The following NALCN variants were observed in gnomAD, a reference collection of about 807,000 sequenced individuals.
NALCN encodes sodium leak channel, non-selective, also known as sodium leak channel NALCN.
A neutral mutation model predicts 225.3 loss-of-function variants in NALCN; 111 were observed. That is an observed-to-expected ratio of 0.49 (90% CI 0.42 to 0.58). The LOEUF is 0.58. Among genes scored for constraint, NALCN ranks in the 20% least tolerant of loss-of-function variants. NALCN has a pLI of 0.00. For missense variants in NALCN, 1,378 were observed against 2,202.4 expected, an observed-to-expected ratio of 0.63 and a Z score of 7.49; for synonymous variants, 764 against 769.0, an observed-to-expected ratio of 0.99 and a Z score of 0.11.
intron 10 of NALCN, among the ~76,000 whole-genome samples, chr13:101,283,185 T>C (rs2043224089): frequency 6.6e-6 from 1 of 152,120 alleles, no homozygotes; most frequent in African/African-American, 2.4e-5. Flanking sequence ...TATGGAAAGT[T>C]AGGGGTGCTG....
chr13:101,219,034 C>A (rs998668776), intron 13 of NALCN, among the ~76,000 whole-genome samples: 3 of 152,042 alleles, frequency 2.0e-5, no homozygotes, highest in Non-Finnish European at 4.4e-5. Flanking sequence ...CTGATTACTT[C>A]ATTTTAACTT....
chr13:101,320,969 G>A (rs948734289), intron 7 of NALCN, among the ~76,000 whole-genome samples: 5 of 152,100 alleles, frequency 3.3e-5, no homozygotes, highest in South Asian at 2.1e-4. Context: ...GAGCAACACC[G>A]TTAATTTCTT....
chr13:101,060,892 TGGGACATCACTGG>T (rs1409598469), intron 41 of NALCN, among the ~76,000 whole-genome samples: 1 of 152,224 alleles, frequency 6.6e-6, no homozygotes, highest in Non-Finnish European at 1.5e-5. Context: ...CCAGCAGTGA[TGGGACATCACTGG>T]GCAGCTGGCC....
intron 7 of NALCN, among the ~76,000 whole-genome samples, chr13:101,339,278 C>A (rs567475109): frequency 6.6e-6 from 1 of 152,172 alleles, no homozygotes; most frequent in Admixed American, 6.5e-5. Context: ...ACTGCAATCA[C>A]GGAATCTCAA....
At chr13:101,105,127 G>GA (rs982029459) in intron 22 of NALCN, among the ~76,000 whole-genome samples, 177 bp from the exon 23 acceptor site, 23 of 152,246 alleles carry the variant, frequency 1.5e-4, no homozygotes, top group Middle Eastern at 3.4e-3. Context: ...ATTGATGAAA[G>GA]AAAAAATCCA....
At chr13:101,220,910 C>G (rs760806524) in intron 13 of NALCN, among the ~76,000 whole-genome samples, 5 of 151,740 alleles carry the variant, frequency 3.3e-5, no homozygotes, top group Non-Finnish European at 4.4e-5. Flanking sequence ...TTATTTAATA[C>G]ACAAAATGCA....
At chr13:101,344,110 G>A (rs553331574) in intron 7 of NALCN, among the ~76,000 whole-genome samples, 2 of 152,180 alleles carry the variant, frequency 1.3e-5, no homozygotes, top group African/African-American at 2.4e-5. Flanking sequence ...TATACATCTC[G>A]CCTCCCATAC....
chr13:101,379,800 C>T (rs2046798588), intron 3 of NALCN, among the ~76,000 whole-genome samples: 1 of 152,016 alleles, frequency 6.6e-6, no homozygotes, highest in Non-Finnish European at 1.5e-5. Flanking sequence ...CACCATGGCA[C>T]GTGTATACCT....
chr13:101,188,706 T>TG (rs2039555864), intron 14 of NALCN, among the ~76,000 whole-genome samples: 1 of 150,986 alleles, frequency 6.6e-6, no homozygotes, highest in Non-Finnish European at 1.5e-5. Flanking sequence ...TTTTTTGAGA[T>TG]GGAGTTTCAC....
chr13:101,340,293 C>G (rs1002093972), intron 7 of NALCN, among the ~76,000 whole-genome samples: 42 of 150,830 alleles, frequency 2.8e-4, no homozygotes, highest in African/African-American at 1.0e-3. Flanking sequence ...CAAAAAACAC[C>G]GTGCCCCTGC....
intron 13 of NALCN, among the ~76,000 whole-genome samples, chr13:101,223,565 T>C (rs2041028069): frequency 6.6e-6 from 1 of 152,018 alleles, no homozygotes; most frequent in Middle Eastern, 3.2e-3. Flanking sequence ...TCAAACACTT[T>C]CACAAGCCCT....
intron 11 of NALCN, among the ~76,000 whole-genome samples, chr13:101,240,165 T>C (rs919338047): frequency 6.6e-6 from 1 of 152,110 alleles, no homozygotes; most frequent in Non-Finnish European, 1.5e-5. Flanking sequence ...TGTTCACATA[T>C]GTCTACAACT....
chr13:101,259,777 T>C lies in NALCN; in HGVS notation c.1135-1203A>G, dbSNP rs9585655. ...ACACACACACATAAATATATATATA[T>C]ACACATATATATTTATGGAGTACAC... On this transcript the variant is annotated intron_variant, in intron 10 of 43. Transcript: ENST00000251127. 3.6e-3 allele frequency among the ~76,000 whole-genome samples: 62 copies of C among 17,018 alleles called. 2 individuals are homozygous for C. The highest frequency in any genetic ancestry group is 4.6e-3 in the Admixed American group (3 of 656). The allele number at this position is 17,018 out of a possible 152,430, so 11.2% of individuals were successfully genotyped here.
chr13:101,384,522 A>G (rs2046934689), intron 3 of NALCN, among the ~76,000 whole-genome samples: 1 of 152,166 alleles, frequency 6.6e-6, no homozygotes, highest in African/African-American at 2.4e-5. Context: ...GTTTCATGAG[A>G]ACAGGATTTA....
intron 20 of NALCN, among the ~76,000 whole-genome samples, chr13:101,110,007 T>C (rs1265200238): frequency 6.6e-6 from 1 of 152,210 alleles, no homozygotes; most frequent in African/African-American, 2.4e-5. Flanking sequence ...TCTCCTATTC[T>C]AAAATTTAAG....
chr13:101,290,775 G>A lies in NALCN; in HGVS notation c.1047+1215C>T, dbSNP rs561856577. On this transcript the variant is annotated intron_variant, in intron 9 of 43. Coordinates refer to ENST00000251127, the MANE Select transcript of NALCN (RefSeq NM_052867.4). ...TTCAAAAGTAAAATTTGTACACCTC[G>A]GCTCCTTGATAGATACCTTTGTCTT... 3.9e-5 allele frequency among the ~76,000 whole-genome samples: 6 copies of A among 152,170 alleles called. No individual in the cohort carries two copies. In the East Asian group the frequency reaches 9.6e-4, roughly 24 times the overall value.
chr13:101,399,007 G>T lies in NALCN; in HGVS notation c.108+12C>A. The T allele has an allele frequency of 4.0e-6, 6 of 1,503,124 alleles. 1 individual carries two copies. In the South Asian group the frequency reaches 6.8e-5, roughly 17 times the overall value. The allele number at this position is 1,503,124 out of a possible 1,614,324, so 93.1% of individuals were successfully genotyped here. A position where few individuals can be genotyped will look rare whatever the true frequency, so the allele number is the denominator to read the frequency against. ...CCACATATGCTTCTCCATACTCAAA[G>T]AAGAAACTTACTGGTTTGTTAATCC... On this transcript the variant is annotated intron_variant, in intron 2 of 43. Coordinates refer to ENST00000251127, the MANE Select transcript of NALCN (RefSeq NM_052867.4).
intron 6 of NALCN, among the ~76,000 whole-genome samples, chr13:101,362,229 A>G (rs9557628): frequency 0.11 from 16,101 of 152,122 alleles, 1,292 homozygotes; most frequent in East Asian, 0.35. Flanking sequence ...TGTAGAAATT[A>G]TACTACATAT....
At chr13:101,167,900 G>A (rs9582454) in intron 15 of NALCN, among the ~76,000 whole-genome samples, 36,549 of 150,822 alleles carry the variant, frequency 0.24, 5,189 homozygotes, top group Non-Finnish European at 0.32. Context: ...ATCTTTATTT[G>A]TGGCTTAAGT....
Sources: allele counts gnomAD v4.1 joint callset (sites outside exome capture counted in the v4.1 genomes callset), GRCh38; gene constraint gnomAD v4.1.1; transcripts MANE v1.5; gene names NCBI Gene and HGNC (gene_info 2026-07-23, HGNC 2026-07-21).